The following HECW2 variants were observed in gnomAD, a reference collection of about 807,000 sequenced individuals.
HECW2 encodes the protein E3 ubiquitin-protein ligase HECW2.
In HECW2, 61 loss-of-function variants were observed where a neutral mutation model predicts 175.2. That is an observed-to-expected ratio of 0.35 (90% CI 0.28 to 0.43). The LOEUF (loss-of-function observed/expected upper bound fraction) is 0.43. Ranked by LOEUF, HECW2 falls within the 20% of genes least tolerant of loss-of-function variation. The probability of loss-of-function intolerance (pLI) is 1.00; values close to 1 mark genes in which losing one functional copy is unlikely to be tolerated. For missense variants in HECW2, 1,524 were observed against 2,000.5 expected, an observed-to-expected ratio of 0.76 and a Z score of 4.54; for synonymous variants, 671 against 731.0, an observed-to-expected ratio of 0.92 and a Z score of 1.32.
chr2:196,415,946 T>C (rs1695244098), intron 2 of HECW2, among the ~76,000 whole-genome samples: 1 of 152,200 alleles, frequency 6.6e-6, no homozygotes, highest in Non-Finnish European at 1.5e-5. Flanking sequence ...GATTTCCAAG[T>C]GCATGGTTTT....
At chr2:196,217,149 C>A in intron 26 of HECW2, 56 bp from the exon 27 acceptor site, 1 of 1,270,200 alleles carries the variant, frequency 7.9e-7, no homozygotes, top group Non-Finnish European at 1.1e-6. Context: ...ATTAAGCCAC[C>A]AAGATACGTG....
chr2:196,577,440 A>T (rs1406654404), intron 1 of HECW2, among the ~76,000 whole-genome samples: 1 of 152,142 alleles, frequency 6.6e-6, no homozygotes, highest in Non-Finnish European at 1.5e-5. Context: ...AAGAAAAAGG[A>T]TCTATTAGAC....
rs1398405333 is a variant in HECW2 at position 196,592,178 on chromosome 2, T to A, written c.-36+1330A>T. Among the ~76,000 whole-genome samples, 5 of 152,218 alleles carry A rather than the reference T, an allele frequency of 3.3e-5. No individual in the cohort carries two copies. The East Asian group carries it at 9.6e-4, about 29-fold the overall frequency. ...TATATATATACGAAAACAGTTTGCG[T>A]GAGTCTAGGACAGTGAAAGCAGAAA... On this transcript the variant is annotated intron_variant, in intron 1 of 28. Transcript: ENST00000644978.
intron 1 of HECW2, among the ~76,000 whole-genome samples, chr2:196,471,257 T>C (rs142476379): frequency 0.012 from 1,758 of 152,212 alleles, 38 homozygotes; most frequent in African/African-American, 0.04. Context: ...AAATCAAAAC[T>C]ACAGTGAGAT....
At chr2:196,580,490 G>A (rs1690733312) in intron 1 of HECW2, among the ~76,000 whole-genome samples, 1 of 151,958 alleles carries the variant, frequency 6.6e-6, no homozygotes. Flanking sequence ...ACAATAAAAA[G>A]ACAACTCTAT....
intron 15 of HECW2, among the ~76,000 whole-genome samples, chr2:196,278,152 A>ATATATATATAT (rs1553489733): frequency 1.7e-5 from 2 of 120,054 alleles, no homozygotes; most frequent in Non-Finnish European, 3.6e-5. Flanking sequence ...ATATATATAT[A>ATATATATATAT]AAGAAATTCC....
Position 196,336,161 on chromosome 2 carries a change from A to T in HECW2, c.401-1643T>A, listed in dbSNP as rs78224526. On this transcript the variant is annotated intron_variant, in intron 3 of 28. Transcript: ENST00000644978. ...GAATGGCGAGATGACCTACGCAGGA[A>T]TTCTAGCTTTACTATTACTTTGCCT... 1.1e-4 allele frequency among the ~76,000 whole-genome samples: 16 copies of T among 152,342 alleles called. No homozygotes were observed. In the East Asian group the frequency reaches 3.1e-3, roughly 29 times the overall value.
intron 1 of HECW2, among the ~76,000 whole-genome samples, chr2:196,490,351 ACTAT>A (rs1336309894): frequency 2.0e-5 from 3 of 152,172 alleles, no homozygotes; most frequent in Admixed American, 6.5e-5. Flanking sequence ...AATCAGCCAC[ACTAT>A]CTGTCACCTG....
At chr2:196,225,949 T>G in intron 22 of HECW2, 79 bp from the exon 23 acceptor site, 1 of 858,304 alleles carries the variant, frequency 1.2e-6, no homozygotes. Context: ...TAGAATGCCT[T>G]CCAGCGCTAA....
At chr2:196,570,641 T>G (rs947880849) in intron 1 of HECW2, among the ~76,000 whole-genome samples, 3 of 152,206 alleles carry the variant, frequency 2.0e-5, no homozygotes, top group African/African-American at 7.2e-5. Context: ...ACATGGCACA[T>G]GTATACCTAT....
chr2:196,279,058 T>G (rs532159559), intron 14 of HECW2, among the ~76,000 whole-genome samples: 2 of 152,248 alleles, frequency 1.3e-5, no homozygotes, highest in East Asian at 3.9e-4. Context: ...AAAAAAAATT[T>G]TTTTTTTTGA....
intron 15 of HECW2, among the ~76,000 whole-genome samples, chr2:196,277,920 T>C (rs953496931): frequency 3.1e-5 from 4 of 127,482 alleles, no homozygotes; most frequent in South Asian, 2.5e-4. Context: ...TAGGTGGGAA[T>C]TGAACAGTGA....
intron 1 of HECW2, among the ~76,000 whole-genome samples, chr2:196,519,823 TA>T (rs1459548138): frequency 6.6e-6 from 1 of 152,370 alleles, no homozygotes; most frequent in East Asian, 1.9e-4. Flanking sequence ...TCATATGTGT[TA>T]GTTTTAATCT....
intron 5 of HECW2, among the ~76,000 whole-genome samples, chr2:196,328,844 CT>C (rs1260467915): frequency 6.6e-6 from 1 of 152,106 alleles, no homozygotes; most frequent in Non-Finnish European, 1.5e-5. Flanking sequence ...GCCCTTCAAA[CT>C]TTTTCAACAG....
Position 196,592,229 on chromosome 2 carries a change from C to T in HECW2, c.-36+1279G>A, listed in dbSNP as rs74880620. On this transcript the variant is annotated intron_variant, in intron 1 of 28. Coordinates refer to ENST00000644978, the MANE Select transcript of HECW2 (RefSeq NM_001348768.2). ...TCATAACCCAAAAGCTAAAGGCCCC[C>T]GAAGTTTGCATGCTGTCCACCTCTA... Among the ~76,000 whole-genome samples the T allele has an allele frequency of 0.011, 1,686 of 152,196 alleles. 81 individuals carry two copies. The East Asian group carries it at 0.15, about 14-fold the overall frequency.
At chr2:196,474,000 A>G (rs1697322413) in intron 1 of HECW2, among the ~76,000 whole-genome samples, 1 of 152,250 alleles carries the variant, frequency 6.6e-6, no homozygotes, top group Non-Finnish European at 1.5e-5. Flanking sequence ...CAGGAGGCAG[A>G]AAAGAAAACT....
intron 1 of HECW2, among the ~76,000 whole-genome samples, chr2:196,481,301 C>A (rs1228541289): frequency 6.6e-6 from 1 of 152,180 alleles, no homozygotes; most frequent in African/African-American, 2.4e-5. Context: ...ATATTAATTT[C>A]ATCCTTTTTA....
intron 1 of HECW2, among the ~76,000 whole-genome samples, chr2:196,452,782 A>AC: frequency 6.7e-6 from 1 of 148,178 alleles, no homozygotes; most frequent in Non-Finnish European, 1.5e-5. Flanking sequence ...TGAGTGACTG[A>AC]CCCCAAAGCA....
chr2:196,561,894 A>G (rs961273740), intron 1 of HECW2, among the ~76,000 whole-genome samples: 2 of 152,214 alleles, frequency 1.3e-5, no homozygotes, highest in South Asian at 4.1e-4. Context: ...AGTTTACCAA[A>G]TAAGTGGTCT....
Sources: gnomAD v4.1 joint callset for allele counts (sites outside exome capture counted in the v4.1 genomes callset) on GRCh38, gnomAD v4.1.1 for gene constraint, MANE v1.5 for transcripts, NCBI Gene and HGNC (gene_info 2026-07-23, HGNC 2026-07-21) for gene names.